Variants in CSRNP3 observed in about 807,000 individuals in gnomAD.
CSRNP3 encodes cysteine and serine rich nuclear protein 3.
CSRNP3 carries 12 observed loss-of-function variants against 48.0 expected under a neutral mutation model. That is an observed-to-expected ratio of 0.25 (90% CI 0.16 to 0.41). CSRNP3 has a LOEUF of 0.41. CSRNP3 is among the 10% of genes least tolerant of loss of function. The probability of loss-of-function intolerance (pLI) is 1.00; values close to 1 mark genes in which losing one functional copy is unlikely to be tolerated. For synonymous variants in CSRNP3, 263 were observed against 269.7 expected (o/e 0.98, Z 0.24); for missense variants, 580 against 724.4 (o/e 0.80, Z 2.29).
At chr2:165,641,542 T>G (rs1481537694) in intron 4 of CSRNP3, among the ~76,000 whole-genome samples, 1 of 151,858 alleles carries the variant, frequency 6.6e-6, no homozygotes, top group African/African-American at 2.4e-5. Context: ...AAGTCTACCT[T>G]AAAAGAATTC....
chr2:165,659,748 C>T (rs996437631), intron 5 of CSRNP3, among the ~76,000 whole-genome samples: 1 of 152,112 alleles, frequency 6.6e-6, no homozygotes, highest in Non-Finnish European at 1.5e-5. Flanking sequence ...CATAAATGGT[C>T]GTTTGTTAAA....
At chr2:165,619,608 A>C (rs1686307296) in intron 4 of CSRNP3, among the ~76,000 whole-genome samples, 1 of 152,106 alleles carries the variant, frequency 6.6e-6, no homozygotes, top group African/African-American at 2.4e-5. Context: ...CACACACACA[A>C]AATGGAAGAC....
In CSRNP3 at chr2:165,685,524, T is replaced by C. The variant is rs1281905041; in HGVS notation, c.*5771T>C. Reference sequence around the variant, plus strand: ...AAAACAATATGTTTCAGTTTACTTTTATATGTAGATTTTTTAAATATTCAC... The same window carrying C: ...AAAACAATATGTTTCAGTTTACTTTCATATGTAGATTTTTTAAATATTCAC... On this transcript the variant is annotated 3_prime_UTR_variant, in exon 7 of 7. Coordinates refer to ENST00000651982, the MANE Select transcript of CSRNP3 (RefSeq NM_001172173.2). The C allele has an allele frequency of 6.6e-6, 1 of 152,112 alleles. No individual in the cohort carries two copies. The allele number at this position is 152,112 out of a possible 1,614,324, so 9.4% of individuals were successfully genotyped here. A position where few individuals can be genotyped will look rare whatever the true frequency, so the allele number is the denominator to read the frequency against.
At chr2:165,625,093 A>C (rs552864746) in intron 4 of CSRNP3, among the ~76,000 whole-genome samples, 49 of 152,126 alleles carry the variant, frequency 3.2e-4, no homozygotes, top group Non-Finnish European at 6.5e-4. Context: ...GACTCCCATC[A>C]TTTTGGTTGT....
At chr2:165,524,995 ACTG>A (rs2105238478) in intron 3 of CSRNP3, among the ~76,000 whole-genome samples, 1 of 152,300 alleles carries the variant, frequency 6.6e-6, no homozygotes, top group Non-Finnish European at 1.5e-5. Flanking sequence ...GCTTTCTCAG[ACTG>A]CAAAATTGTT....
At chr2:165,591,637 C>G (rs1472329464) in intron 3 of CSRNP3, among the ~76,000 whole-genome samples, 1 of 152,180 alleles carries the variant, frequency 6.6e-6, no homozygotes, top group African/African-American at 2.4e-5. Flanking sequence ...TCAGCTCCAG[C>G]CTTAGCTAAA....
chr2:165,502,502 GACTT>G (rs1425723837), intron 2 of CSRNP3, among the ~76,000 whole-genome samples: 1 of 151,920 alleles, frequency 6.6e-6, no homozygotes, highest in East Asian at 1.9e-4. Context: ...TGCTGTTTAT[GACTT>G]ACTTGTAGAT....
intron 4 of CSRNP3, among the ~76,000 whole-genome samples, chr2:165,633,043 C>A (rs1386294522): frequency 2.0e-5 from 3 of 152,126 alleles, no homozygotes; most frequent in Non-Finnish European, 4.4e-5. Context: ...GTATTTCTGT[C>A]ACGTTAAACT....
At chr2:165,472,286 T>C (rs1348003092) in intron 1 of CSRNP3, among the ~76,000 whole-genome samples, 1 of 152,066 alleles carries the variant, frequency 6.6e-6, no homozygotes, top group African/African-American at 2.4e-5. Flanking sequence ...TTAATGCAAT[T>C]ATTTCCTTAC....
At chr2:165,499,997 C>A (rs1294275700) in intron 2 of CSRNP3, among the ~76,000 whole-genome samples, 2 of 149,760 alleles carry the variant, frequency 1.3e-5, no homozygotes, top group East Asian at 2.0e-4. Context: ...ACTCTTAAGT[C>A]TCTTTACAAT....
At chr2:165,506,193 T>C (rs955192257) in intron 2 of CSRNP3, among the ~76,000 whole-genome samples, 6 of 152,164 alleles carry the variant, frequency 3.9e-5, no homozygotes, top group Admixed American at 3.9e-4. Flanking sequence ...ATTACTCTCT[T>C]CTTGAAGACA....
chr2:165,609,532 A>G (rs1005652707), intron 4 of CSRNP3, among the ~76,000 whole-genome samples: 8 of 113,050 alleles, frequency 7.1e-5, no homozygotes, highest in South Asian at 2.5e-4. Flanking sequence ...TTTCTTATCT[A>G]TAAATACTGA....
At chr2:165,643,755 T>C (rs1029181568) in intron 4 of CSRNP3, among the ~76,000 whole-genome samples, 4 of 152,204 alleles carry the variant, frequency 2.6e-5, no homozygotes, top group African/African-American at 9.7e-5. Context: ...TCTCTCACGA[T>C]CCATCAACTA....
intron 3 of CSRNP3, among the ~76,000 whole-genome samples, chr2:165,573,486 A>T (rs960531511): frequency 6.6e-6 from 1 of 152,250 alleles, no homozygotes; most frequent in African/African-American, 2.4e-5. Context: ...TAAGGGAAGA[A>T]ATAACTAGCA....
intron 2 of CSRNP3, among the ~76,000 whole-genome samples, chr2:165,500,681 C>T (rs1460006381): frequency 6.6e-6 from 1 of 152,066 alleles, no homozygotes; most frequent in African/African-American, 2.4e-5. Flanking sequence ...TGGTCTTGAA[C>T]TCCTGACCTC....
chr2:165,634,067 C>T (rs978669502), intron 4 of CSRNP3, among the ~76,000 whole-genome samples: 16 of 152,140 alleles, frequency 1.1e-4, no homozygotes, highest in Admixed American at 1.3e-4. Context: ...GGTCCAGCCC[C>T]GTGGCTCACA....
At chr2:165,641,091 C>T (rs1022898764) in intron 4 of CSRNP3, among the ~76,000 whole-genome samples, 1 of 152,162 alleles carries the variant, frequency 6.6e-6, no homozygotes, top group South Asian at 2.1e-4. Context: ...TCACACACCA[C>T]TATTATTAAA....
In CSRNP3 at chr2:165,687,770, TG is replaced by T. The variant is rs1687654333; in HGVS notation, c.*8019del. 1 of 152,078 alleles carries T rather than the reference TG, an allele frequency of 6.6e-6. No individual in the cohort carries two copies. Among genetic ancestry groups the T allele is most frequent in the African/African-American group, 2.4e-5 (1 of 41,432 alleles). 9.4% of individuals were successfully genotyped at this position (152,078 alleles called of 1,614,324 possible). On this transcript the variant is annotated 3_prime_UTR_variant, in exon 7 of 7. Transcript: ENST00000651982. ...AACGAAGGGAGGTGTCGTGGAGAAA[TG>T]GTGATTTTTCTGGTTACATCACTTG...
intron 3 of CSRNP3, among the ~76,000 whole-genome samples, chr2:165,521,752 T>G (rs577121784): frequency 1.3e-5 from 2 of 152,316 alleles, no homozygotes; most frequent in South Asian, 4.1e-4. Context: ...GGGAGAGAGC[T>G]GTCCTTTGCA....
Sources: allele counts gnomAD v4.1 joint callset (sites outside exome capture counted in the v4.1 genomes callset), GRCh38; gene constraint gnomAD v4.1.1; transcripts MANE v1.5; gene names NCBI Gene and HGNC (gene_info 2026-07-23, HGNC 2026-07-21).